Variants in MAPT observed in about 807,000 individuals in gnomAD.
MAPT encodes microtubule-associated protein tau.
Under a neutral mutation model 67.9 loss-of-function variants are expected in MAPT, and 34 were observed. That is an observed-to-expected ratio of 0.50 (90% CI 0.38 to 0.67). The LOEUF is 0.67. MAPT is among the 30% of genes least tolerant of loss of function. The probability of loss-of-function intolerance (pLI) is 0.00; values close to 1 mark genes in which losing one functional copy is unlikely to be tolerated. For synonymous variants in MAPT, 456 were observed against 464.5 expected (o/e 0.98, Z 0.23); for missense variants, 881 against 1,115.2 (o/e 0.79, Z 2.99).
intron 8 of MAPT, chr17:45,993,810 T>C (rs879422057): frequency 1.0e-4 from 110 of 1,089,676 alleles, no homozygotes; most frequent in Non-Finnish European, 1.4e-4. Flanking sequence ...CTCGACCTTG[T>C]TTCAGAATGG....
At chr17:46,007,017 TA>T (rs1249168200) in intron 9 of MAPT, among the ~76,000 whole-genome samples, 1 of 151,096 alleles carries the variant, frequency 6.6e-6, no homozygotes, top group Non-Finnish European at 1.5e-5. Context: ...GGAATGTTTA[TA>T]ACACAAGAAA....
intron 1 of MAPT, among the ~76,000 whole-genome samples, chr17:45,947,289 G>A (rs898041658): frequency 1.3e-5 from 2 of 151,860 alleles, no homozygotes; most frequent in Non-Finnish European, 2.9e-5. Flanking sequence ...CAAAGTTGGG[G>A]ACCAGCTGCC....
Position 45,996,338 on chromosome 17 carries a change from C to T in MAPT, c.1733-61C>T. 3 of 1,585,038 alleles carry T rather than the reference C, an allele frequency of 1.9e-6. No homozygotes were observed. The highest frequency in any genetic ancestry group is 2.6e-6 in the Non-Finnish European group (3 of 1,164,330). On this transcript the variant is annotated intron_variant, in intron 8 of 12. Transcript: ENST00000262410. The surrounding 1 kb of genome is among the most constrained non-coding windows in gnomAD (Gnocchi z 4.5). ...ATGGACCCACGGGACAGGCAGCCCC[C>T]AGGGCCTTTTCTGACCCCACCCACT...
At chr17:45,978,172 C>G (rs1044177626) in intron 3 of MAPT, 1 of 623,514 alleles carries the variant, frequency 1.6e-6, no homozygotes, top group African/African-American at 1.8e-5. Flanking sequence ...GGGTGCTGTG[C>G]CTTTTGTTTA....
chr17:45,982,750 T>G, intron 4 of MAPT, 116 bp from the exon 5 acceptor site: 1 of 347,062 alleles, frequency 2.9e-6, no homozygotes, highest in Non-Finnish European at 4.2e-6. Context: ...TCCCATCTCT[T>G]TGTTAGGGGG....
intron 3 of MAPT, chr17:45,974,437 GCAGCCCCACACGGAGATCC>G (rs1416275429): frequency 6.2e-7 from 1 of 1,610,026 alleles, no homozygotes; most frequent in African/African-American, 1.3e-5. Context: ...AGGCTGCCGC[GCAGCCCCACACGGAGATCC>G]CAGAAGGAAC....
intron 8 of MAPT, among the ~76,000 whole-genome samples, chr17:45,994,572 C>T (rs894037686): frequency 2.0e-5 from 3 of 152,188 alleles, no homozygotes; most frequent in Non-Finnish European, 4.4e-5. Context: ...TCTATAATCC[C>T]GGCACTTTGG....
intron 12 of MAPT, among the ~76,000 whole-genome samples, chr17:46,022,200 C>A (rs1412933119): frequency 1.3e-5 from 2 of 151,870 alleles, no homozygotes; most frequent in Non-Finnish European, 2.9e-5. Flanking sequence ...ACAAAAAATA[C>A]AAAAATTAGC....
In MAPT at chr17:45,903,752, T is replaced by C. The variant is rs543131072; in HGVS notation, c.-18+9066T>C. ...AAAAAGGAATCTCTTTGGTTTTATATATATTTTTTTTATATATATAATATA... is the reference window on the plus strand; with the variant it reads ...AAAAAGGAATCTCTTTGGTTTTATACATATTTTTTTTATATATATAATATA... On this transcript the variant is annotated intron_variant, in intron 1 of 12. Coordinates refer to ENST00000262410, the MANE Select transcript of MAPT (RefSeq NM_001377265.1). Among the ~76,000 whole-genome samples, 521 of 74,580 alleles carry C rather than the reference T, an allele frequency of 7.0e-3. 44 individuals carry two copies. The highest frequency in any genetic ancestry group is 0.012 in the Non-Finnish European group (426 of 36,080). 48.9% of individuals were successfully genotyped at this position (74,580 alleles called of 152,430 possible).
Position 45,896,757 on chromosome 17 carries a change from T to G in MAPT, c.-18+2071T>G, listed in dbSNP as rs2063266976. On this transcript the variant is annotated intron_variant, in intron 1 of 12. Transcript: ENST00000262410. The surrounding 1 kb of genome is among the most constrained non-coding windows in gnomAD (Gnocchi z 5.6). ...ATATTATGTCCGTACTGATTAATAT[T>G]ATTTATCTTAAATAAATTTCACCCG... is the stretch of plus-strand genomic sequence containing the variant. 1 of 152,266 alleles carries G rather than the reference T, an allele frequency of 6.6e-6. No individual in the cohort carries two copies. The highest frequency in any genetic ancestry group is 1.5e-5 in the Non-Finnish European group (1 of 68,072). The allele number at this position is 152,266 out of a possible 1,614,324, so 9.4% of individuals were successfully genotyped here.
Position 46,027,446 on chromosome 17 carries a change from T to C in MAPT, c.*3275T>C, listed in dbSNP as rs1264392074. ...TAGATAGGATATACTGTATGCCGGCTCCTTCAAGCTGCTGACTCACTTTAT... is the reference window on the plus strand; with the variant it reads ...TAGATAGGATATACTGTATGCCGGCCCCTTCAAGCTGCTGACTCACTTTAT... On this transcript the variant is annotated 3_prime_UTR_variant, in exon 13 of 13. Coordinates refer to ENST00000262410, the MANE Select transcript of MAPT (RefSeq NM_001377265.1). 1.3e-5 allele frequency: 2 copies of C among 152,504 alleles called. No homozygotes were observed. Among genetic ancestry groups the C allele is most frequent in the African/African-American group, 4.8e-5 (2 of 41,436 alleles). The allele number at this position is 152,504 out of a possible 1,614,324, so 9.4% of individuals were successfully genotyped here.
intron 12 of MAPT, among the ~76,000 whole-genome samples, chr17:46,020,009 CTCA>C (rs751006572): frequency 4.6e-5 from 1 of 21,626 alleles, no homozygotes; most frequent in Non-Finnish European, 9.7e-5. Flanking sequence ...GAGATTCCAT[CTCA>C]CAAAAAAAAA....
chr17:45,972,158 G>A (rs767176709), intron 3 of MAPT: 21 of 689,476 alleles, frequency 3.0e-5, no homozygotes, highest in Non-Finnish European at 5.3e-5. Context: ...TGTGTGCTCT[G>A]GAGGCAGCCA....
At chr17:45,964,854 C>A (rs974080881) in intron 2 of MAPT, among the ~76,000 whole-genome samples, 2 of 152,062 alleles carry the variant, frequency 1.3e-5, no homozygotes, top group African/African-American at 4.8e-5. Flanking sequence ...CTCTCCATCC[C>A]ACAACACTGC....
rs1256542321 is a variant in MAPT, at chr17:45,996,314, T to G, written c.1733-85T>G. 2.0e-6 allele frequency: 3 copies of G among 1,480,846 alleles called. No individual in the cohort carries two copies. The African/African-American group carries it at 4.1e-5, about 20-fold the overall frequency. The allele number at this position is 1,480,846 out of a possible 1,614,324, so 91.7% of individuals were successfully genotyped here. ...CCTAACCCAGTGGTGAGCCTGGGAA[T>G]GGACCCACGGGACAGGCAGCCCCCA... On this transcript the variant is annotated intron_variant, in intron 8 of 12. Coordinates refer to ENST00000262410, the MANE Select transcript of MAPT (RefSeq NM_001377265.1). The surrounding 1 kb of genome is among the most constrained non-coding windows in gnomAD (Gnocchi z 4.5).
At chr17:46,014,377 G>C in intron 11 of MAPT, 53 bp downstream of exon 11, 2 of 1,282,948 alleles carry the variant, frequency 1.6e-6, no homozygotes, top group East Asian at 2.3e-5. Context: ...GGGTGGAGGA[G>C]TCCTGGTGAG....
chr17:45,962,274 G>A, intron 1 of MAPT, 47 bp from the exon 2 acceptor site: 1 of 1,528,668 alleles, frequency 6.5e-7, no homozygotes, highest in East Asian at 2.3e-5. Flanking sequence ...CCCCCACTCT[G>A]CCCCCCAACA....
intron 1 of MAPT, among the ~76,000 whole-genome samples, chr17:45,937,268 C>T (rs568855961): frequency 6.6e-6 from 1 of 152,240 alleles, no homozygotes; most frequent in Admixed American, 6.5e-5. Context: ...CTCTAGGAAG[C>T]TAGTAGGTGC....
chr17:45,922,893 A>C (rs1465671261), intron 1 of MAPT, among the ~76,000 whole-genome samples: 1 of 152,214 alleles, frequency 6.6e-6, no homozygotes, highest in Non-Finnish European at 1.5e-5. Context: ...CAAAATAATT[A>C]AAGGAGTTAG....
Sources: gnomAD v4.1 joint callset for allele counts (sites outside exome capture counted in the v4.1 genomes callset) on GRCh38, gnomAD v4.1.1 for gene constraint, Gnocchi (gnomAD v3.1) non-coding constraint, MANE v1.5 for transcripts, NCBI Gene and HGNC (gene_info 2026-07-23, HGNC 2026-07-21) for gene names.